The following RBFOX1 variants were observed in gnomAD, a reference collection of about 807,000 sequenced individuals.
RBFOX1 encodes RNA binding protein fox-1 homolog 1.
A neutral mutation model predicts 57.7 loss-of-function variants in RBFOX1; 8 were observed. The ratio of observed to expected loss-of-function variants is 0.14; its 90% confidence interval spans 0.08 to 0.25. The LOEUF is 0.25. Among genes scored for constraint, RBFOX1 ranks in the 10% least tolerant of loss-of-function variants. The pLI, the probability that RBFOX1 is intolerant of heterozygous loss-of-function variation, is 1.00. For synonymous variants in RBFOX1, 326 were observed against 222.4 expected, an observed-to-expected ratio of 1.47 and a Z score of -4.15; for missense variants, 611 against 548.5, an observed-to-expected ratio of 1.11 and a Z score of -1.14.
At chr16:5,294,573 A>G (rs1254032023) in intron 1 of RBFOX1, among the ~76,000 whole-genome samples, 2 of 152,138 alleles carry the variant, frequency 1.3e-5, no homozygotes, top group Admixed American at 6.5e-5. Context: ...CTGACCTGCC[A>G]AGTCAGAATC....
At chr16:6,567,301 G>A (rs534721186) in intron 2 of RBFOX1, among the ~76,000 whole-genome samples, 1 of 152,062 alleles carries the variant, frequency 6.6e-6, no homozygotes, top group Admixed American at 6.6e-5. Flanking sequence ...AATTATTATT[G>A]TCCTGAACAC....
chr16:7,236,626 C>T (rs182594052), intron 4 of RBFOX1, among the ~76,000 whole-genome samples: 1 of 152,148 alleles, frequency 6.6e-6, no homozygotes, highest in Admixed American at 6.5e-5. Flanking sequence ...AGTCAACTTC[C>T]CAAATCATGA....
intron 2 of RBFOX1, among the ~76,000 whole-genome samples, chr16:6,331,921 G>A (rs762350238): frequency 6.6e-6 from 1 of 152,070 alleles, no homozygotes. Context: ...GACACCATTT[G>A]TTTCACATAA....
At chr16:6,609,040 A>G (rs1044337505) in intron 2 of RBFOX1, among the ~76,000 whole-genome samples, 1 of 152,114 alleles carries the variant, frequency 6.6e-6, no homozygotes, top group Non-Finnish European at 1.5e-5. Flanking sequence ...TCCCTCTCCC[A>G]TATTTGAAGA....
rs35194843 is a variant in RBFOX1 at position 5,531,802 on chromosome 16, C to CT, written c.258+64565dup. ...AAAGGGACATGACATGTCAAGAGGT[C>CT]TTTTTTTTTTTTTTTTTGAGATGGA... On this transcript the variant is annotated intron_variant, in intron 2 of 2. Coordinates refer to the RBFOX1 transcript ENST00000585867. Among the ~76,000 whole-genome samples, 337 of 134,252 alleles carry CT rather than the reference C, an allele frequency of 2.5e-3. 2 individuals carry two copies. The highest frequency in any genetic ancestry group is 7.8e-3 in the Middle Eastern group (2 of 258). 88.1% of individuals were successfully genotyped at this position (134,252 alleles called of 152,430 possible).
intron 3 of RBFOX1, among the ~76,000 whole-genome samples, chr16:6,938,796 G>T (rs971665707): frequency 2.0e-5 from 3 of 152,122 alleles, no homozygotes; most frequent in Non-Finnish European, 4.4e-5. Context: ...GCTGGGTGTG[G>T]TGGGTTGTGC....
chr16:5,784,814 A>C (rs1023170009), intron 3 of RBFOX1, among the ~76,000 whole-genome samples: 4 of 152,130 alleles, frequency 2.6e-5, no homozygotes, highest in Non-Finnish European at 5.9e-5. Flanking sequence ...CATGGCGCAT[A>C]GACACCATCT....
chr16:5,738,759 A>G lies in RBFOX1; in HGVS notation c.319-128544A>G, dbSNP rs191812896. Among the ~76,000 whole-genome samples, 163 of 152,212 alleles carry G rather than the reference A, an allele frequency of 1.1e-3. 1 individual carries two copies. Among genetic ancestry groups the G allele is most frequent in the African/African-American group, 3.7e-3 (154 of 41,544 alleles). On this transcript the variant is annotated intron_variant, in intron 3 of 19. Coordinates refer to the RBFOX1 transcript ENST00000641259. ...GGGAGCTGGAGTGGGGGTGCACAGC[A>G]TGTGAATCAGGAAGTATTTATGACT...
chr16:5,428,185 A>C (rs1040693073), intron 1 of RBFOX1, among the ~76,000 whole-genome samples: 1 of 152,002 alleles, frequency 6.6e-6, no homozygotes, highest in African/African-American at 2.4e-5. Flanking sequence ...CAATGCATGC[A>C]TTTGGAGTCC....
At chr16:6,640,751 G>A (rs552783973) in intron 2 of RBFOX1, among the ~76,000 whole-genome samples, 1 of 152,218 alleles carries the variant, frequency 6.6e-6, no homozygotes, top group East Asian at 1.9e-4. Flanking sequence ...CCTTCTGAAG[G>A]ATACAAGTTC....
intron 3 of RBFOX1, among the ~76,000 whole-genome samples, chr16:5,643,623 C>T (rs996366250): frequency 4.6e-5 from 7 of 152,214 alleles, no homozygotes; most frequent in African/African-American, 9.7e-5. Flanking sequence ...GGTACAGAGT[C>T]TTCCTGCAGC....
chr16:7,153,050 T>C (rs952739932), intron 4 of RBFOX1, among the ~76,000 whole-genome samples: 10 of 152,234 alleles, frequency 6.6e-5, no homozygotes, highest in Non-Finnish European at 7.3e-5. Flanking sequence ...TTTGGTTAAT[T>C]ATGTAGAACC....
chr16:6,016,933 G>C (rs1157547703), upstream of RBFOX1, among the ~76,000 whole-genome samples: 1 of 152,118 alleles, frequency 6.6e-6, no homozygotes, highest in Non-Finnish European at 1.5e-5. Flanking sequence ...AATTGTAATG[G>C]ATGCCTCTCA....
chr16:6,780,442 TTATA>T (rs1190378849), intron 3 of RBFOX1, among the ~76,000 whole-genome samples: 2 of 118,938 alleles, frequency 1.7e-5, no homozygotes, highest in African/African-American at 6.7e-5. Flanking sequence ...ATAGATATAT[TTATA>T]TATACATTTT....
intron 1 of RBFOX1, among the ~76,000 whole-genome samples, chr16:6,140,225 C>T (rs2096705148): frequency 1.4e-5 from 2 of 147,324 alleles, no homozygotes; most frequent in Admixed American, 6.8e-5. Flanking sequence ...GAGTTTCATG[C>T]TTCTCACCCA....
At chr16:5,619,822 G>C (rs1053550317) in intron 3 of RBFOX1, among the ~76,000 whole-genome samples, 6 of 152,112 alleles carry the variant, frequency 3.9e-5, no homozygotes, top group African/African-American at 1.4e-4. Flanking sequence ...CGTGAAGGCA[G>C]TCAGACCTGG....
At chr16:5,468,184 G>T (rs145981750) in intron 2 of RBFOX1, among the ~76,000 whole-genome samples, 2 of 152,156 alleles carry the variant, frequency 1.3e-5, no homozygotes, top group African/African-American at 2.4e-5. Context: ...AACAAATTGT[G>T]TTGAGGTGAA....
chr16:7,674,881 A>G (rs1315966707), intron 13 of RBFOX1, among the ~76,000 whole-genome samples: 1 of 152,218 alleles, frequency 6.6e-6, no homozygotes, highest in Non-Finnish European at 1.5e-5. Context: ...GAGGATATGC[A>G]AAGTTCAAAC....
At chr16:5,347,198 G>A (rs2065158945) in intron 1 of RBFOX1, among the ~76,000 whole-genome samples, 1 of 152,030 alleles carries the variant, frequency 6.6e-6, no homozygotes, top group African/African-American at 2.4e-5. Flanking sequence ...TATACTATAT[G>A]TTTTCCTTAT....
Sources: allele counts gnomAD v4.1 joint callset (sites outside exome capture counted in the v4.1 genomes callset), GRCh38; gene constraint gnomAD v4.1.1; transcripts MANE v1.5; gene names NCBI Gene and HGNC (gene_info 2026-07-23, HGNC 2026-07-21).